The following MGAM variants were observed in gnomAD, a reference collection of about 807,000 sequenced individuals.
The protein encoded by MGAM is alpha-1,4-glucosidase.
In MGAM, 253 loss-of-function variants were observed where a neutral mutation model predicts 358.8. The ratio of observed to expected loss-of-function variants is 0.71; its 90% CI spans 0.64 to 0.78. The LOEUF is 0.78. MGAM is among the 30% of genes least tolerant of loss of function. MGAM has a pLI of 0.00. For synonymous variants in MGAM, 1,105 were observed against 1,227.1 expected (o/e 0.90, Z 2.08); for missense variants, 3,080 against 3,432.6 (o/e 0.90, Z 2.57).
rs1418064486 is a variant in MGAM at position 142,077,425 on chromosome 7, T to C, written c.5493+599T>C. Among the ~76,000 whole-genome samples, 36 of 145,392 alleles carry C rather than the reference T, an allele frequency of 2.5e-4. 5 individuals are homozygous for C. Among genetic ancestry groups the C allele is most frequent in the Non-Finnish European group, 7.8e-5 (5 of 64,274 alleles). On this transcript the variant is annotated intron_variant, in intron 47 of 70. Transcript: ENST00000475668. Reference sequence around the variant, plus strand: ...GAGACTGGGAGAAGGATGATAATCTTTAGAATGTGATTTTATTACTCCAGA... The same window carrying C: ...GAGACTGGGAGAAGGATGATAATCTCTAGAATGTGATTTTATTACTCCAGA...
In MGAM at chr7:142,085,824, C is replaced by G; in HGVS notation, c.6508-9C>G. ...CAGCAGCCTCTCAGCTCCCCATGTCCTCCCGCAGGACGTGCAGTACTCAGA... is the reference window on the plus strand; with the variant it reads ...CAGCAGCCTCTCAGCTCCCCATGTCGTCCCGCAGGACGTGCAGTACTCAGA... On this transcript the variant is annotated splice_polypyrimidine_tract_variant and intron_variant, in intron 54 of 70. Coordinates refer to ENST00000475668, the MANE Select transcript of MGAM (RefSeq NM_001365693.1). 2 of 1,563,142 alleles carry G rather than the reference C, an allele frequency of 1.3e-6. No homozygotes were observed. Among genetic ancestry groups the G allele is most frequent in the East Asian group, 2.3e-5 (1 of 43,812 alleles).
upstream of MGAM, among the ~76,000 whole-genome samples, chr7:141,991,473 G>A (rs183750804): frequency 0.01 from 1,524 of 150,542 alleles, 34 homozygotes; most frequent in African/African-American, 0.035. Context: ...TCACTCTGTT[G>A]CCCAGGCTGG....
At chr7:142,060,476 A>T in intron 34 of MGAM, 103 bp downstream of exon 34, 1 of 1,367,754 alleles carries the variant, frequency 7.3e-7, no homozygotes, top group Non-Finnish European at 1.0e-6. Flanking sequence ...GGGCTTGGCA[A>T]GGGAGAAACA....
chr7:142,104,095 G>A (rs1191412485), intron 70 of MGAM, among the ~76,000 whole-genome samples: 4 of 152,024 alleles, frequency 2.6e-5, no homozygotes, highest in Non-Finnish European at 5.9e-5. Context: ...CCTGTGATCC[G>A]CCTGCCTTGG....
Position 142,080,890 on chromosome 7 carries a change from A to G in MGAM, c.5947A>G (p.Ile1983Val), listed in dbSNP as rs372881857. The G allele has an allele frequency of 6.2e-4, 972 of 1,556,572 alleles. 164 individuals are homozygous for G. The highest frequency in any genetic ancestry group is 4.0e-3 in the Middle Eastern group (24 of 5,954). The change falls in exon 50 of 71, where the codon ATT (isoleucine) becomes GTT (valine). Residue 1983 changes from isoleucine to valine, a missense_variant. Ile to Val is a conservative substitution (Grantham distance 29, BLOSUM62 3). Transcript: ENST00000475668. ...TGAGGGTCAACTCTATGATGTCCTCATTAAGAAGAATCCATTTGGGATTGA... is the reference window on the plus strand; with the variant it reads ...TGAGGGTCAACTCTATGATGTCCTCGTTAAGAAGAATCCATTTGGGATTGA... Reference protein sequence around the residue: ...TPEGQLYDVLIKKNPFGIEIR... With the variant: ...TPEGQLYDVLVKKNPFGIEIR...
Position 142,093,430 on chromosome 7 carries a change from G to A in MGAM, c.7052G>A (p.Arg2351Lys), listed in dbSNP as rs1815583508. The part of the protein sequence containing the change: ...PYMPYLESRD[R>K]GLSSKTLCME... ...TCCTCAGATTTGGAGTCCAGGGACA[G>A]GGGCCTGAGCAGCAAGACCCTGTGC... The change falls in exon 60 of 71, where the codon AGG (arginine) becomes AAG (lysine). Residue 2351 changes from arginine to lysine, a missense_variant. This residue lies in a region of MGAM where 932 missense variants were observed against 1,198.2 expected (regional missense o/e 0.78). Transcript: ENST00000475668. 2 of 1,538,518 alleles carry A rather than the reference G, an allele frequency of 1.3e-6. No individual in the cohort carries two copies. The highest frequency in any genetic ancestry group is 8.9e-7 in the Non-Finnish European group (1 of 1,123,544).
intron 8 of MGAM, among the ~76,000 whole-genome samples, 154 bp downstream of exon 8, chr7:142,025,303 A>G (rs1806855340): frequency 6.6e-6 from 1 of 152,088 alleles, no homozygotes; most frequent in Non-Finnish European, 1.5e-5. Context: ...TCCCTACTTC[A>G]TTACCTATTG....
rs1211080246 is a variant in MGAM at position 142,073,943 on chromosome 7, C to T, written c.5187-142C>T. 2.3e-5 allele frequency: 15 copies of T among 646,680 alleles called. 1 individual carries two copies. Among genetic ancestry groups the T allele is most frequent in the East Asian group, 5.8e-5 (2 of 34,378 alleles). 40.1% of individuals were successfully genotyped at this position (646,680 alleles called of 1,614,324 possible). A position where few individuals can be genotyped will look rare whatever the true frequency, so the allele number is the denominator to read the frequency against. On this transcript the variant is annotated intron_variant, in intron 44 of 70. Coordinates refer to ENST00000475668, the MANE Select transcript of MGAM (RefSeq NM_001365693.1). ...TGATATTATAGAAAAATGCATCTGT[C>T]GATTTTGTGTTTGTACCTCAAGAAA...
rs781451433 is a variant in MGAM at position 142,056,102 on chromosome 7, G to A, written c.3580+6G>A. The A allele has an allele frequency of 4.1e-5, 65 of 1,596,690 alleles. No individual in the cohort carries two copies. The highest frequency in any genetic ancestry group is 5.5e-5 in the Non-Finnish European group (64 of 1,171,332). On this transcript the variant is annotated splice_donor_region_variant and intron_variant, in intron 29 of 70. Coordinates refer to ENST00000475668, the MANE Select transcript of MGAM (RefSeq NM_001365693.1). ...GCTGAACAGCAATGCCATGGGTAAG[G>A]CCATCAGCACCTCCCTTATTTTGGG...
In MGAM at chr7:142,076,163, G is replaced by A. The variant is rs553880239; in HGVS notation, c.5276-40G>A. Reference sequence around the variant, plus strand: ...AGTGTGAAATCTGTTCTTCTGTGGTGGGCAAGCCGGAGTCTGACTTGTCTT... The same window carrying A: ...AGTGTGAAATCTGTTCTTCTGTGGTAGGCAAGCCGGAGTCTGACTTGTCTT... On this transcript the variant is annotated intron_variant, in intron 45 of 70. Coordinates refer to ENST00000475668, the MANE Select transcript of MGAM (RefSeq NM_001365693.1). 6.1e-5 allele frequency: 89 copies of A among 1,458,430 alleles called. 9 individuals carry two copies. Among genetic ancestry groups the A allele is most frequent in the South Asian group, 2.2e-4 (19 of 87,434 alleles). 90.3% of individuals were successfully genotyped at this position (1,458,430 alleles called of 1,614,324 possible).
intron 10 of MGAM, 31 bp downstream of exon 10, chr7:142,027,766 G>T: frequency 6.7e-7 from 1 of 1,493,526 alleles, no homozygotes; most frequent in South Asian, 1.4e-5. Context: ...TTCTCCAAAA[G>T]TAAAGAAATT....
At position 142,074,095 on chromosome 7, in the gene MGAM, C is replaced by G. The variant is rs775153866; in HGVS notation, c.5197C>G (p.Pro1733Ala). ...TCTTGTTCCCCACAGTCGAAAGAAC[C>G]CTCTTGGTCTTATTATTGCCCTAGA... ...ALNTHLSRKN[P>A]LGLIIALDEN... The change falls in exon 45 of 71, where the codon CCT becomes GCT. Residue 1733 changes from proline to alanine, a missense_variant. Coordinates refer to ENST00000475668, the MANE Select transcript of MGAM (RefSeq NM_001365693.1). 8 of 1,539,526 alleles carry G rather than the reference C, an allele frequency of 5.2e-6. 1 individual carries two copies. Among genetic ancestry groups the G allele is most frequent in the East Asian group, 4.6e-5 (2 of 43,840 alleles).
chr7:142,045,982 ATG>A (rs1218073707), intron 21 of MGAM, among the ~76,000 whole-genome samples: 3 of 131,466 alleles, frequency 2.3e-5, no homozygotes, highest in Admixed American at 8.4e-5. Flanking sequence ...AATATATATT[ATG>A]TATACATACA....
Position 142,090,468 on chromosome 7 carries a change from A to G in MGAM, c.6811-1445A>G, listed in dbSNP as rs145665806. 6.2e-5 allele frequency among the ~76,000 whole-genome samples: 9 copies of G among 145,920 alleles called. No homozygotes were observed. In the East Asian group the frequency reaches 1.2e-3, roughly 20 times the overall value. ...CTACCTCCATTTCCTAACAAAAGGC[A>G]TCCCTGGCATGCCCACTTCTGTCAA... On this transcript the variant is annotated intron_variant, in intron 57 of 70. Transcript: ENST00000475668.
At chr7:142,019,387 G>A in intron 4 of MGAM, 68 bp downstream of exon 4, 1 of 1,556,554 alleles carries the variant, frequency 6.4e-7, no homozygotes, top group Non-Finnish European at 8.7e-7. Context: ...ATCCCCCAGG[G>A]GCAGCCTGCA....
Position 142,052,815 on chromosome 7 carries a change from A to C in MGAM, c.2990A>C (p.Tyr997Ser). 6.2e-7 allele frequency: 1 copy of C among 1,613,508 alleles called. No homozygotes were observed. The highest frequency in any genetic ancestry group is 8.5e-7 in the Non-Finnish European group (1 of 1,179,734). The change falls in exon 26 of 71, where the codon TAT (tyrosine) becomes TCT (serine). Residue 997 changes from tyrosine (Y) to serine (S), a missense_variant. Coordinates refer to ENST00000475668, the MANE Select transcript of MGAM (RefSeq NM_001365693.1). Reference sequence around the variant, plus strand: ...AATTCTTCTGGAGTCCCTTTTTGCTATTTTGTCAACGACCTATACTCTGTC... The same window carrying C: ...AATTCTTCTGGAGTCCCTTTTTGCTCTTTTGTCAACGACCTATACTCTGTC... ...ASNSSGVPFC[Y>S]FVNDLYSVSD...
At chr7:141,988,236 C>T (rs1051274388) in intron 2 of MGAM, among the ~76,000 whole-genome samples, 1 of 151,898 alleles carries the variant, frequency 6.6e-6, no homozygotes, top group African/African-American at 2.4e-5. Context: ...TGCAGTGAGC[C>T]GAGATTGCGC....
intron 26 of MGAM, 34 bp from the exon 27 acceptor site, chr7:142,054,720 T>C (rs1010134776): frequency 6.2e-7 from 1 of 1,611,744 alleles, no homozygotes; most frequent in Non-Finnish European, 8.5e-7. Flanking sequence ...TCAAGAGTAG[T>C]ATTGTTGCCT....
rs760340491 is a variant in MGAM at position 142,065,379 on chromosome 7, G to A, written c.4529G>A (p.Arg1510His). The A allele has an allele frequency of 2.8e-5, 45 of 1,610,930 alleles. No homozygotes were observed. The highest frequency in any genetic ancestry group is 5.5e-5 in the South Asian group (5 of 90,350). Residue 1510 changes from arginine to histidine, a missense_variant, in exon 38 of 71, where the codon CGC becomes CAC. By Grantham distance (29) the Arg-to-His change is conservative (BLOSUM62 0). This residue lies in a region of MGAM where 134 missense variants were observed against 198.4 expected (regional missense o/e 0.68). Coordinates refer to ENST00000475668, the MANE Select transcript of MGAM (RefSeq NM_001365693.1). ...GGACAGCGAGGGGTCGTCATCACCC[G>A]CTCCACATTTCCCTCTTCTGGCCGC... ...VTGQRGVVIT[R>H]STFPSSGRWA...
Sources: gnomAD v4.1 joint callset for allele counts (sites outside exome capture counted in the v4.1 genomes callset) on GRCh38, gnomAD v4.1.1 for gene constraint, gnomAD v4.1.1 regional missense constraint, MANE v1.5 for transcripts, NCBI Gene and HGNC (gene_info 2026-07-23, HGNC 2026-07-21) for gene names.